The following PAX5 variants were observed in gnomAD, a reference collection of about 807,000 sequenced individuals.
The protein encoded by PAX5 is paired box protein Pax-5.
Under a neutral mutation model 43.7 loss-of-function variants are expected in PAX5, and 9 were observed. The ratio of observed to expected loss-of-function variants is 0.21; its 90% CI spans 0.12 to 0.36. PAX5 has a LOEUF of 0.36. PAX5 is among the 10% of genes least tolerant of loss of function. The pLI is 1.00. For synonymous variants in PAX5, 228 were observed against 214.3 expected (o/e 1.06, Z -0.56); for missense variants, 383 against 532.7 (o/e 0.72, Z 2.77).
chr9:37,027,961 G>T (rs1052559630), intron 1 of PAX5, among the ~76,000 whole-genome samples: 1 of 152,234 alleles, frequency 6.6e-6, no homozygotes, highest in African/African-American at 2.4e-5. Context: ...TCGCGGCTGT[G>T]GGGAGGGGAA....
At chr9:36,952,328 C>T (rs1213966521) in intron 6 of PAX5, among the ~76,000 whole-genome samples, 1 of 149,232 alleles carries the variant, frequency 6.7e-6, no homozygotes, top group Non-Finnish European at 1.5e-5. Flanking sequence ...CAACCTCCGC[C>T]TCCCAAGTTC....
chr9:36,938,899 T>A (rs1268263416), intron 6 of PAX5, among the ~76,000 whole-genome samples: 2 of 152,218 alleles, frequency 1.3e-5, no homozygotes, highest in African/African-American at 2.4e-5. Flanking sequence ...GAAGAACATT[T>A]TCATTACAAA....
At chr9:36,978,583 T>G (rs1377722400) in intron 5 of PAX5, among the ~76,000 whole-genome samples, 1 of 152,206 alleles carries the variant, frequency 6.6e-6, no homozygotes, top group East Asian at 1.9e-4. Flanking sequence ...TTTGAGTTTT[T>G]AAATTACTGT....
chr9:36,901,225 G>A (rs1431803023), intron 7 of PAX5, among the ~76,000 whole-genome samples: 3 of 152,010 alleles, frequency 2.0e-5, no homozygotes, highest in Non-Finnish European at 4.4e-5. Context: ...TCAGGGACCT[G>A]GGCCCTCCCT....
chr9:36,948,241 T>C (rs1832717610), intron 6 of PAX5, among the ~76,000 whole-genome samples: 2 of 152,202 alleles, frequency 1.3e-5, no homozygotes, highest in African/African-American at 4.8e-5. Flanking sequence ...CCTTGCCATG[T>C]GGCCAGCACA....
At chr9:36,919,434 A>G (rs1829964136) in intron 7 of PAX5, among the ~76,000 whole-genome samples, 1 of 152,234 alleles carries the variant, frequency 6.6e-6, no homozygotes, top group Non-Finnish European at 1.5e-5. Context: ...GTCTTATTTA[A>G]GAAATACATT....
At position 36,928,746 on chromosome 9, in the gene PAX5, G is replaced by A. The variant is rs144571570; in HGVS notation, c.781-5262C>T. ...ATCCAACATATTAAAGCCCCTGGGT[G>A]GTGCTTTCACCAGTCTCTGATGGAA... is the stretch of plus-strand genomic sequence containing the variant. On this transcript the variant is annotated intron_variant, in intron 6 of 9. Transcript: ENST00000358127. 1.9e-4 allele frequency among the ~76,000 whole-genome samples: 29 copies of A among 152,222 alleles called. No individual in the cohort carries two copies. In the East Asian group the frequency reaches 4.6e-3, roughly 24 times the overall value.
At chr9:36,918,191 T>C (rs890577040) in intron 7 of PAX5, among the ~76,000 whole-genome samples, 9 of 152,180 alleles carry the variant, frequency 5.9e-5, no homozygotes, top group African/African-American at 2.2e-4. Flanking sequence ...TGATTAAGCT[T>C]AGTGAGGAAG....
chr9:36,936,212 T>C (rs1009260715), intron 6 of PAX5, among the ~76,000 whole-genome samples: 1 of 152,196 alleles, frequency 6.6e-6, no homozygotes, highest in Non-Finnish European at 1.5e-5. Context: ...TGGGACCCAG[T>C]GGCCCAGGAC....
intron 8 of PAX5, among the ~76,000 whole-genome samples, chr9:36,877,828 G>GTTTT (rs1826052410): frequency 6.6e-6 from 1 of 152,218 alleles, no homozygotes; most frequent in Non-Finnish European, 1.5e-5. Flanking sequence ...GAAAAAAGGG[G>GTTTT]TCTTTGCAGA....
At chr9:36,999,069 T>C (rs7046652) in intron 5 of PAX5, among the ~76,000 whole-genome samples, 33,540 of 152,124 alleles carry the variant, frequency 0.22, 3,865 homozygotes, top group Admixed American at 0.31. Flanking sequence ...AGAGTGAATG[T>C]TTCTTGAGCA....
chr9:37,030,887 C>T (rs890672676), intron 1 of PAX5, among the ~76,000 whole-genome samples: 3 of 152,208 alleles, frequency 2.0e-5, no homozygotes, highest in Admixed American at 6.5e-5. Flanking sequence ...AAAGTGAGGC[C>T]CAATAGGGCT....
chr9:37,019,453 G>A (rs1213880991), intron 2 of PAX5, among the ~76,000 whole-genome samples: 3 of 152,152 alleles, frequency 2.0e-5, no homozygotes, highest in Non-Finnish European at 2.9e-5. Context: ...GGTCCCCAAA[G>A]GAGCTGCCAG....
intron 7 of PAX5, among the ~76,000 whole-genome samples, chr9:36,897,265 C>T (rs988700143): frequency 6.6e-6 from 1 of 152,104 alleles, no homozygotes; most frequent in Non-Finnish European, 1.5e-5. Flanking sequence ...CGACTGTGAG[C>T]GGCCTTCACG....
At chr9:36,889,199 G>A (rs796953460) in intron 7 of PAX5, among the ~76,000 whole-genome samples, 13 of 152,266 alleles carry the variant, frequency 8.5e-5, no homozygotes, top group African/African-American at 3.1e-4. Context: ...CACAAGCCAG[G>A]CCCTGGCCAG....
In PAX5 at chr9:37,002,587, G is replaced by C. The variant is rs528861679; in HGVS notation, c.604+61C>G. 12 of 1,559,224 alleles carry C rather than the reference G, an allele frequency of 7.7e-6. No homozygotes were observed. In the East Asian group the frequency reaches 2.8e-4, roughly 36 times the overall value. On this transcript the variant is annotated intron_variant, in intron 5 of 9. Transcript: ENST00000358127. Reference sequence around the variant, plus strand: ...GGCACCTCTGCTGCCACCCGCGACCGAGCGCCGGAAACAGACCCCGTGGAG... The same window carrying C: ...GGCACCTCTGCTGCCACCCGCGACCCAGCGCCGGAAACAGACCCCGTGGAG...
At chr9:36,873,053 C>T (rs1387921562) in intron 8 of PAX5, among the ~76,000 whole-genome samples, 1 of 152,236 alleles carries the variant, frequency 6.6e-6, no homozygotes, top group African/African-American at 2.4e-5. Flanking sequence ...CCAACAATAT[C>T]CCTCCAGCTT....
chr9:37,012,185 C>T (rs1159899853), intron 3 of PAX5, among the ~76,000 whole-genome samples: 16 of 152,102 alleles, frequency 1.1e-4, no homozygotes, highest in Admixed American at 8.5e-4. Context: ...ACGGGCAGCC[C>T]GCGAGGATCT....
intron 3 of PAX5, 86 bp downstream of exon 3, chr9:37,014,911 G>A: frequency 7.9e-7 from 1 of 1,258,062 alleles, no homozygotes; most frequent in Non-Finnish European, 1.1e-6. Context: ...AAAGAGACCA[G>A]ATCTTCAGGA....
Sources: allele counts gnomAD v4.1 joint callset (sites outside exome capture counted in the v4.1 genomes callset), GRCh38; gene constraint gnomAD v4.1.1; transcripts MANE v1.5; gene names NCBI Gene and HGNC (gene_info 2026-07-23, HGNC 2026-07-21).